The following KANSL2 variants were observed in gnomAD, a reference collection of about 807,000 sequenced individuals.
KANSL2 encodes the protein KAT8 regulatory NSL complex subunit 2, also known as NSL complex protein NSL2.
In KANSL2, 34 loss-of-function variants were observed where a neutral mutation model predicts 55.6. The observed-to-expected ratio is 0.61, with a 90% CI of 0.46 to 0.81. KANSL2 has a LOEUF of 0.81. Among genes scored for constraint, KANSL2 ranks in the 40% least tolerant of loss-of-function variants. KANSL2 has a pLI of 0.00. For synonymous variants in KANSL2, 209 were observed against 214.3 expected (o/e 0.98, Z 0.22); for missense variants, 502 against 609.9 (o/e 0.82, Z 1.86).
chr12:48,672,433 A>ATACATATATATATATATATATATATTT (rs371918890), intron 4 of KANSL2, among the ~76,000 whole-genome samples: 1 of 120,384 alleles, frequency 8.3e-6, no homozygotes, highest in Non-Finnish European at 1.6e-5. Context: ...ATATATATAT[A>ATACATATATATATATATATATATATTT]TTTTTTTTTT....
intron 1 of KANSL2, 94 bp from the exon 2 acceptor site, chr12:48,681,735 G>T: frequency 4.0e-6 from 6 of 1,512,650 alleles, no homozygotes; most frequent in Non-Finnish European, 4.6e-6. Flanking sequence ...AGGACATGCA[G>T]AAGTCGTCCC....
At chr12:48,675,426 T>G (rs966734332) in intron 4 of KANSL2, among the ~76,000 whole-genome samples, 21 of 152,186 alleles carry the variant, frequency 1.4e-4, no homozygotes, top group African/African-American at 5.1e-4. Context: ...CATAACGGTT[T>G]CACAAGGTGA....
Position 48,660,498 on chromosome 12 carries a change from C to T in KANSL2, c.1095G>A (p.Gln365=), listed in dbSNP as rs778926782. 1 of 1,613,816 alleles carries T rather than the reference C, an allele frequency of 6.2e-7. No homozygotes were observed. Among genetic ancestry groups the T allele is most frequent in the African/African-American group, 1.3e-5 (1 of 75,032 alleles). ...SEDPCCPLHF[Q]LPPQMYKPEQ... ...CGGGCTTATACATCTGAGGAGGCAA[C>T]TGGAAATGCAGTGGGCAGCAGGGAT... The change falls in exon 8 of 10, where the codon CAG becomes CAA. Residue 365 remains glutamine, a synonymous_variant. Coordinates refer to ENST00000420613, the MANE Select transcript of KANSL2 (RefSeq NM_017822.4).
At chr12:48,654,444 C>T (rs1939338930) in intron 9 of KANSL2, 1 of 704,840 alleles carries the variant, frequency 1.4e-6, no homozygotes, top group Non-Finnish European at 2.7e-6. Context: ...CAACAGACCA[C>T]AGGAAGACAG....
intron 5 of KANSL2, among the ~76,000 whole-genome samples, chr12:48,670,143 G>T (rs1056048969): frequency 6.7e-6 from 1 of 150,144 alleles, no homozygotes; most frequent in African/African-American, 2.5e-5. Flanking sequence ...GGAGGTTGCA[G>T]TGAGCCAAGA....
At chr12:48,654,619 G>A (rs1939342458) in intron 9 of KANSL2, 3 of 534,266 alleles carry the variant, frequency 5.6e-6, no homozygotes, top group Non-Finnish European at 1.1e-5. Flanking sequence ...CCCTCAGAAG[G>A]TATGATTTCC....
chr12:48,664,577 C>CT (rs35805896), intron 7 of KANSL2, among the ~76,000 whole-genome samples: 1,240 of 62,090 alleles, frequency 0.02, 69 homozygotes, highest in African/African-American at 0.04. Context: ...CGCACCTGGC[C>CT]TTTTTTTTTT....
intron 5 of KANSL2, among the ~76,000 whole-genome samples, chr12:48,670,737 C>T (rs1359766865): frequency 2.0e-5 from 3 of 150,368 alleles, no homozygotes; most frequent in South Asian, 2.1e-4. Context: ...TGGGAAGCCA[C>T]GGTCGGAGGA....
At chr12:48,681,143 A>T in intron 2 of KANSL2, 2 of 301,774 alleles carry the variant, frequency 6.6e-6, no homozygotes, top group Non-Finnish European at 1.2e-5. Context: ...AAAAAAAAAG[A>T]CTAATTTAGA....
intron 4 of KANSL2, among the ~76,000 whole-genome samples, chr12:48,677,032 T>C (rs557936973): frequency 6.6e-6 from 1 of 152,166 alleles, no homozygotes; most frequent in Non-Finnish European, 1.5e-5. Context: ...AAGAAGATAG[T>C]AATATGTAAT....
intron 1 of KANSL2, 125 bp from the exon 2 acceptor site, chr12:48,681,766 T>C (rs1350307165): frequency 8.2e-7 from 1 of 1,225,448 alleles, no homozygotes; most frequent in Non-Finnish European, 1.2e-6. Context: ...GCTCCGTAAG[T>C]CCCCGCCGCC....
chr12:48,672,765 TA>T lies in KANSL2; in HGVS notation c.546-804del, dbSNP rs1434088852. Among the ~76,000 whole-genome samples the T allele has an allele frequency of 6.0e-5, 9 of 150,912 alleles. No individual in the cohort carries two copies. In the East Asian group the frequency reaches 1.8e-3, roughly 29 times the overall value. ...AAGCACTAAAGATACCAACATCAAA[TA>T]ATTTTTTTTTTTGAGACAGTCTTGC... On this transcript the variant is annotated intron_variant, in intron 4 of 9. Coordinates refer to ENST00000420613, the MANE Select transcript of KANSL2 (RefSeq NM_017822.4).
At position 48,654,974 on chromosome 12, in the gene KANSL2, G is replaced by A. The variant is rs191760160; in HGVS notation, c.1314C>T (p.Val438=). ...DPSLTLEDHL[V]KEIAEDPVDI... ...CCACTGGGTCTTCAGCAATTTCTTT[G>A]ACTAAATGATCTTCAAGGGTTAGTG... The change falls in exon 9 of 10, where the codon GTC becomes GTT. Residue 438 remains valine (V), a synonymous_variant. Transcript: ENST00000420613. 1.1e-4 allele frequency: 180 copies of A among 1,578,096 alleles called. 1 individual carries two copies. The Middle Eastern group carries it at 1.7e-3, about 15-fold the overall frequency.
chr12:48,663,323 T>C (rs757254541), intron 7 of KANSL2, among the ~76,000 whole-genome samples: 2 of 152,354 alleles, frequency 1.3e-5, no homozygotes, highest in Admixed American at 6.5e-5. Flanking sequence ...TTTAGAAGGG[T>C]CAATTTCACC....
At chr12:48,655,207 C>A (rs1487862316) in intron 8 of KANSL2, 147 bp from the exon 9 acceptor site, 1 of 685,834 alleles carries the variant, frequency 1.5e-6, no homozygotes, top group East Asian at 2.8e-5. Context: ...CAAGAGCGTC[C>A]AACAAATGAA....
At position 48,682,172 on chromosome 12, in the gene KANSL2, G is replaced by T; in HGVS notation, c.-10+15C>A. 1.4e-6 allele frequency: 1 copy of T among 696,606 alleles called. No individual in the cohort carries two copies. Among genetic ancestry groups the T allele is most frequent in the Non-Finnish European group, 2.6e-6 (1 of 381,504 alleles). 43.2% of individuals were successfully genotyped at this position (696,606 alleles called of 1,614,324 possible). A position where few individuals can be genotyped will look rare whatever the true frequency, so the allele number is the denominator to read the frequency against. ...CAACCGCAAGAGCTTAGAGGAAAGAGCACCGCCATCTTACCTCAGGAGCTG... is the reference window on the plus strand; with the variant it reads ...CAACCGCAAGAGCTTAGAGGAAAGATCACCGCCATCTTACCTCAGGAGCTG... On this transcript the variant is annotated intron_variant, in intron 1 of 9. Transcript: ENST00000420613.
intron 7 of KANSL2, among the ~76,000 whole-genome samples, chr12:48,666,598 C>A (rs1392545549): frequency 1.3e-5 from 2 of 151,744 alleles, no homozygotes; most frequent in African/African-American, 2.4e-5. Context: ...GAGGATGACA[C>A]ACAAGAATTG....
rs754795141 is a variant in KANSL2, at chr12:48,681,944, C to T, written c.-10+243G>A. ...CCCCACGCGGCGGCCACGCCGCCTC[C>T]CCGCACGCCGCCTTTGTCCCGGCCT... is the stretch of plus-strand genomic sequence containing the variant. On this transcript the variant is annotated intron_variant, in intron 1 of 9. Coordinates refer to ENST00000420613, the MANE Select transcript of KANSL2 (RefSeq NM_017822.4). 6 of 702,968 alleles carry T rather than the reference C, an allele frequency of 8.5e-6. No homozygotes were observed. The South Asian group carries it at 8.9e-5, about 10-fold the overall frequency. The allele number at this position is 702,968 out of a possible 1,614,324, so 43.5% of individuals were successfully genotyped here. A position where few individuals can be genotyped will look rare whatever the true frequency, so the allele number is the denominator to read the frequency against.
intron 2 of KANSL2, 87 bp downstream of exon 2, chr12:48,681,295 C>G: frequency 6.8e-7 from 1 of 1,460,768 alleles, no homozygotes. Flanking sequence ...GACAAAATCT[C>G]AAACGCGGCA....
Sources: gnomAD v4.1 joint callset for allele counts (sites outside exome capture counted in the v4.1 genomes callset) on GRCh38, gnomAD v4.1.1 for gene constraint, MANE v1.5 for transcripts, NCBI Gene and HGNC (gene_info 2026-07-23, HGNC 2026-07-21) for gene names.